The following LRP1B variants were observed in gnomAD, a reference collection of about 807,000 sequenced individuals.
LRP1B encodes low-density lipoprotein receptor-related protein 1B.
In LRP1B, 217 loss-of-function variants were observed where a neutral mutation model predicts 556.6. The observed-to-expected ratio is 0.39, with a 90% CI of 0.35 to 0.44. The LOEUF (loss-of-function observed/expected upper bound fraction) is 0.44, where lower values mean the gene tolerates loss of function less well. Among genes scored for constraint, LRP1B ranks in the 20% least tolerant of loss-of-function variants. LRP1B has a pLI of 1.00. For synonymous variants in LRP1B, 2,047 were observed against 1,865.8 expected (o/e 1.10, Z -2.50); for missense variants, 5,053 against 5,620.8 (o/e 0.90, Z 3.23).
At chr2:140,927,184 G>A (rs1478594774) in intron 20 of LRP1B, among the ~76,000 whole-genome samples, 6 of 152,050 alleles carry the variant, frequency 3.9e-5, no homozygotes, top group African/African-American at 1.4e-4. Context: ...TCATGCCTGT[G>A]ATCCCAGCTA....
chr2:140,857,986 C>T (rs1692669081), intron 27 of LRP1B, among the ~76,000 whole-genome samples: 1 of 151,954 alleles, frequency 6.6e-6, no homozygotes, highest in African/African-American at 2.4e-5. Flanking sequence ...TACAATGATT[C>T]TATATTCACA....
intron 7 of LRP1B, among the ~76,000 whole-genome samples, chr2:141,119,103 C>T (rs983556191): frequency 6.6e-6 from 1 of 151,856 alleles, no homozygotes; most frequent in African/African-American, 2.4e-5. Context: ...GTGTTTTACA[C>T]TCATTGTCTT....
intron 66 of LRP1B, among the ~76,000 whole-genome samples, chr2:140,427,340 C>G (rs185403474): frequency 5.9e-5 from 9 of 152,158 alleles, no homozygotes; most frequent in Admixed American, 3.9e-4. Context: ...TCCCCACCCC[C>G]CTTCTCCGTG....
chr2:141,373,749 T>C (rs939260662), intron 3 of LRP1B, among the ~76,000 whole-genome samples: 2 of 152,046 alleles, frequency 1.3e-5, no homozygotes, highest in African/African-American at 4.8e-5. Flanking sequence ...AGTGTAGCAT[T>C]AAACCATTGA....
chr2:141,474,439 C>T (rs947857940), intron 3 of LRP1B, among the ~76,000 whole-genome samples: 10 of 151,948 alleles, frequency 6.6e-5, no homozygotes, highest in Middle Eastern at 3.4e-3. Context: ...ATAAGAGTTT[C>T]GTTTTATGGA....
chr2:141,877,139 A>C (rs1698791591), intron 1 of LRP1B, among the ~76,000 whole-genome samples: 1 of 152,034 alleles, frequency 6.6e-6, no homozygotes, highest in Non-Finnish European at 1.5e-5. Context: ...ACATGTAATC[A>C]AAGTTGAAAT....
At chr2:141,009,468 A>G (rs1226805625) in intron 14 of LRP1B, among the ~76,000 whole-genome samples, 1 of 151,886 alleles carries the variant, frequency 6.6e-6, no homozygotes, top group Admixed American at 6.6e-5. Flanking sequence ...GAAGCCACTT[A>G]TGTAAGTGTG....
At chr2:141,293,285 G>T (rs992906010) in intron 3 of LRP1B, among the ~76,000 whole-genome samples, 1 of 152,146 alleles carries the variant, frequency 6.6e-6, no homozygotes, top group Non-Finnish European at 1.5e-5. Context: ...ACATAGCAAT[G>T]CACATCTGTA....
intron 3 of LRP1B, among the ~76,000 whole-genome samples, chr2:141,359,326 C>T (rs1017367151): frequency 3.4e-5 from 5 of 145,450 alleles, no homozygotes; most frequent in Non-Finnish European, 6.0e-5. Context: ...AAAATACACA[C>T]TGGAAGTTTT....
intron 66 of LRP1B, among the ~76,000 whole-genome samples, chr2:140,422,858 C>T (rs1447008638): frequency 2.6e-5 from 4 of 152,132 alleles, no homozygotes; most frequent in Non-Finnish European, 5.9e-5. Context: ...AATATATGTA[C>T]TCTAGATGGA....
chr2:141,845,463 C>G (rs1367225455), intron 1 of LRP1B, among the ~76,000 whole-genome samples: 2 of 152,074 alleles, frequency 1.3e-5, no homozygotes, highest in African/African-American at 4.8e-5. Flanking sequence ...CTATTCCTCT[C>G]TTCAGGTAGA....
intron 2 of LRP1B, among the ~76,000 whole-genome samples, chr2:141,542,043 C>A (rs1322457522): frequency 1.5e-5 from 2 of 129,522 alleles, no homozygotes; most frequent in Admixed American, 8.8e-5. Context: ...TATTTCACTT[C>A]AAATTATGTA....
At chr2:141,498,033 A>G (rs957465174) in intron 2 of LRP1B, among the ~76,000 whole-genome samples, 3 of 152,070 alleles carry the variant, frequency 2.0e-5, no homozygotes, top group African/African-American at 7.2e-5. Context: ...ATCTCTAAAT[A>G]CTTGAAATTT....
chr2:141,349,559 G>A (rs1033642617), intron 3 of LRP1B, among the ~76,000 whole-genome samples: 12 of 151,988 alleles, frequency 7.9e-5, no homozygotes, highest in South Asian at 2.1e-4. Context: ...CCCCTAAATC[G>A]AAACAACTAC....
At chr2:141,145,245 T>C (rs1701751497) in intron 7 of LRP1B, among the ~76,000 whole-genome samples, 1 of 152,136 alleles carries the variant, frequency 6.6e-6, no homozygotes, top group Admixed American at 6.5e-5. Flanking sequence ...GCAAATAATA[T>C]TTAATAACTG....
intron 58 of LRP1B, among the ~76,000 whole-genome samples, chr2:140,486,956 T>C (rs571293490): frequency 1.8e-4 from 28 of 151,944 alleles, no homozygotes; most frequent in African/African-American, 6.5e-4. Context: ...TACAAAAAAG[T>C]TAAAGTAATT....
chr2:140,537,870 G>T (rs1679983803), intron 45 of LRP1B, among the ~76,000 whole-genome samples: 2 of 152,028 alleles, frequency 1.3e-5, no homozygotes, highest in African/African-American at 4.8e-5. Flanking sequence ...TGAGGACAAT[G>T]GACTTATTTT....
intron 20 of LRP1B, among the ~76,000 whole-genome samples, chr2:140,933,177 G>A (rs1421452706): frequency 2.6e-5 from 4 of 151,878 alleles, no homozygotes; most frequent in African/African-American, 9.7e-5. Context: ...TGAATGATCT[G>A]TTCAGTATAG....
intron 1 of LRP1B, among the ~76,000 whole-genome samples, chr2:141,856,653 G>A (rs1324202862): frequency 1.3e-5 from 2 of 152,004 alleles, no homozygotes; most frequent in African/African-American, 4.8e-5. Context: ...AAACCCAGAG[G>A]TATACAAAAC....
Sources: allele counts gnomAD v4.1 joint callset (sites outside exome capture counted in the v4.1 genomes callset), GRCh38; gene constraint gnomAD v4.1.1; transcripts MANE v1.5; gene names NCBI Gene and HGNC (gene_info 2026-07-23, HGNC 2026-07-21).